The following ATP2A1 variants were observed in gnomAD, a reference collection of about 807,000 sequenced individuals.
The protein encoded by ATP2A1 is sarcoplasmic/endoplasmic reticulum calcium ATPase 1.
ATP2A1 carries 83 observed loss-of-function variants against 109.5 expected under a neutral mutation model. The observed-to-expected ratio is 0.76, with a 90% CI of 0.63 to 0.91. ATP2A1 has a LOEUF of 0.91. Ranked by LOEUF, ATP2A1 falls within the 40% of genes least tolerant of loss-of-function variation. The probability of loss-of-function intolerance (pLI) is 0.00; values close to 1 mark genes in which losing one functional copy is unlikely to be tolerated. For synonymous variants in ATP2A1, 505 were observed against 537.6 expected, an observed-to-expected ratio of 0.94 and a Z score of 0.84; for missense variants, 1,101 against 1,341.0, an observed-to-expected ratio of 0.82 and a Z score of 2.80.
In ATP2A1 at chr16:28,900,653, C is replaced by T. The variant is rs200668562; in HGVS notation, c.1837C>T (p.Leu613=). ...CAAGGAGGTCACGGGCTCCATCCAG[C>T]TGTGCCGTGACGCCGGGATCCGGGT... The part of the protein sequence containing the change: ...PRKEVTGSIQ[L]CRDAGIRVIM... Residue 613 remains leucine, a synonymous_variant, in exon 15 of 23, where the codon CTG becomes TTG. Coordinates refer to ENST00000395503, the MANE Select transcript of ATP2A1 (RefSeq NM_004320.6). 6.2e-7 allele frequency: 1 copy of T among 1,608,318 alleles called. No homozygotes were observed. The highest frequency in any genetic ancestry group is 1.3e-5 in the African/African-American group (1 of 75,014).
Position 28,903,112 on chromosome 16 carries a change from C to A in ATP2A1, c.2827C>A (p.Leu943Met). Reference protein sequence around the residue: ...LLGSICLSMSLHFLILYVDPL... With the variant: ...LLGSICLSMSMHFLILYVDPL... ...GGGCTCCATCTGCCTCTCCATGTCC[C>A]TGCACTTCCTCATCCTCTATGTTGA... Residue 943 changes from leucine (L) to methionine (M), a missense_variant, in exon 20 of 23, where the codon CTG (leucine) becomes ATG (methionine). Transcript: ENST00000395503. This position sits in a 1 kb window ranked among gnomAD's most constrained non-coding sequence, Gnocchi z 5.6. 6.2e-7 allele frequency: 1 copy of A among 1,613,854 alleles called. No individual in the cohort carries two copies. The highest frequency in any genetic ancestry group is 8.5e-7 in the Non-Finnish European group (1 of 1,180,010).
chr16:28,902,997 A>G lies in ATP2A1; in HGVS notation c.2745-33A>G. On this transcript the variant is annotated intron_variant, in intron 19 of 22. Coordinates refer to ENST00000395503, the MANE Select transcript of ATP2A1 (RefSeq NM_004320.6). This position sits in a 1 kb window ranked among gnomAD's most constrained non-coding sequence, Gnocchi z 4.8. ...TGTGCCGCCCACCTCCTTCCTCCTCACTGTGCCTTCTCCCTCCCCTTCCCC... is the reference window on the plus strand; with the variant it reads ...TGTGCCGCCCACCTCCTTCCTCCTCGCTGTGCCTTCTCCCTCCCCTTCCCC... 2 of 1,611,266 alleles carry G rather than the reference A, an allele frequency of 1.2e-6. No individual in the cohort carries two copies. The highest frequency in any genetic ancestry group is 1.7e-6 in the Non-Finnish European group (2 of 1,179,172).
Position 28,882,305 on chromosome 16 carries a change from C to T in ATP2A1, c.325-146C>T. The T allele has an allele frequency of 4.8e-6, 6 of 1,239,194 alleles. No individual in the cohort carries two copies. In the South Asian group the frequency reaches 7.5e-5, roughly 15 times the overall value. 76.8% of individuals were successfully genotyped at this position (1,239,194 alleles called of 1,614,324 possible). A position where few individuals can be genotyped will look rare whatever the true frequency, so the allele number is the denominator to read the frequency against. ...TGTTCCCTCCCCAAAACCCTCTCAC[C>T]TGTTTTCACCTGTAGGTGACAGTTT... On this transcript the variant is annotated intron_variant, in intron 4 of 22. Coordinates refer to ENST00000395503, the MANE Select transcript of ATP2A1 (RefSeq NM_004320.6).
intron 9 of ATP2A1, among the ~76,000 whole-genome samples, chr16:28,890,121 G>A (rs373270489): frequency 2.0e-5 from 3 of 151,940 alleles, no homozygotes; most frequent in Admixed American, 6.6e-5. Flanking sequence ...CAGTGTGGGC[G>A]ACGGAGTAAG....
At chr16:28,882,328 T>C in intron 4 of ATP2A1, 123 bp from the exon 5 acceptor site, 2 of 1,449,528 alleles carry the variant, frequency 1.4e-6, no homozygotes, top group Non-Finnish European at 1.9e-6. Context: ...TAGGTGACAG[T>C]TTCCTCAACA....
At chr16:28,882,903 C>G (rs555397028) in intron 5 of ATP2A1, among the ~76,000 whole-genome samples, 3 of 152,358 alleles carry the variant, frequency 2.0e-5, no homozygotes, top group East Asian at 3.9e-4. Context: ...TCTCCACCCC[C>G]TCCCGGGCCT....
chr16:28,901,851 C>A lies in ATP2A1; in HGVS notation c.2101-12C>A. Reference sequence around the variant, plus strand: ...GAAGGTGCCCTAAGCCCACCTTCTCCTCCTCCCTCAGACAGGTGATGGCGT... The same window carrying A: ...GAAGGTGCCCTAAGCCCACCTTCTCATCCTCCCTCAGACAGGTGATGGCGT... On this transcript the variant is annotated splice_polypyrimidine_tract_variant and intron_variant, in intron 15 of 22. Coordinates refer to ENST00000395503, the MANE Select transcript of ATP2A1 (RefSeq NM_004320.6). The A allele has an allele frequency of 6.2e-7, 1 of 1,612,232 alleles. No homozygotes were observed. The highest frequency in any genetic ancestry group is 2.2e-5 in the East Asian group (1 of 44,850).
Position 28,903,560 on chromosome 16 carries a change from T to C in ATP2A1, c.2980+120T>C. 8.2e-7 allele frequency: 1 copy of C among 1,214,632 alleles called. No homozygotes were observed. The highest frequency in any genetic ancestry group is 1.2e-6 in the Non-Finnish European group (1 of 821,026). The allele number at this position is 1,214,632 out of a possible 1,614,324, so 75.2% of individuals were successfully genotyped here. A position where few individuals can be genotyped will look rare whatever the true frequency, so the allele number is the denominator to read the frequency against. On this transcript the variant is annotated intron_variant, in intron 21 of 22. Transcript: ENST00000395503. The surrounding 1 kb of genome is among the most constrained non-coding windows in gnomAD (Gnocchi z 5.6). Reference sequence around the variant, plus strand: ...AGTTTCTCAGCCCTGGCAGGACCTGTGTCCGCCCCGTTCCCCCTGCGCCTG... The same window carrying C: ...AGTTTCTCAGCCCTGGCAGGACCTGCGTCCGCCCCGTTCCCCCTGCGCCTG...
chr16:28,894,128 CTG>C, intron 9 of ATP2A1, 25 bp from the exon 10 acceptor site: 2 of 1,603,642 alleles, frequency 1.2e-6, no homozygotes, highest in Non-Finnish European at 1.7e-6. Context: ...AGGTGGACAT[CTG>C]TGTGCCTGCC....
In ATP2A1 at chr16:28,880,167, C is replaced by T. The variant is rs1459712781; in HGVS notation, c.219+584C>T. 2 of 983,624 alleles carry T rather than the reference C, an allele frequency of 2.0e-6. No homozygotes were observed. Among genetic ancestry groups the T allele is most frequent in the Non-Finnish European group, 2.4e-6 (2 of 826,768 alleles). 60.9% of individuals were successfully genotyped at this position (983,624 alleles called of 1,614,324 possible). On this transcript the variant is annotated intron_variant, in intron 3 of 22. Transcript: ENST00000395503. The surrounding 1 kb of genome is among the most constrained non-coding windows in gnomAD (Gnocchi z 4.2). ...AGCCCTTCCCCGCGCTCCCTAGGCACCCCCACCCCCGCAGGGCATCTCCAG... is the reference window on the plus strand; with the variant it reads ...AGCCCTTCCCCGCGCTCCCTAGGCATCCCCACCCCCGCAGGGCATCTCCAG...
In ATP2A1 at chr16:28,888,571, G is replaced by A. The variant is rs141197276; in HGVS notation, c.929-216G>A. Among the ~76,000 whole-genome samples, 151 of 151,624 alleles carry A rather than the reference G, an allele frequency of 1.0e-3. 1 individual carries two copies. The highest frequency in any genetic ancestry group is 3.3e-3 in the African/African-American group (136 of 41,354). On this transcript the variant is annotated intron_variant, in intron 8 of 22. Coordinates refer to ENST00000395503, the MANE Select transcript of ATP2A1 (RefSeq NM_004320.6). ...CCACAGGCAATCACCACCACACCCA[G>A]CTAATTTTTAAATATTTTCAGAGGA...
intron 3 of ATP2A1, 187 bp downstream of exon 3, chr16:28,879,770 C>T (rs1337866621): frequency 4.0e-6 from 3 of 753,014 alleles, no homozygotes; most frequent in Non-Finnish European, 4.4e-6. Context: ...ACCCCAGAGG[C>T]AGGTTTTATT....
chr16:28,884,078 C>G (rs894286243), intron 5 of ATP2A1, among the ~76,000 whole-genome samples: 3 of 152,082 alleles, frequency 2.0e-5, no homozygotes, highest in Non-Finnish European at 4.4e-5. Flanking sequence ...CCACTTCATT[C>G]TCTCACCCCG....
chr16:28,902,919 C>T lies in ATP2A1; in HGVS notation c.2744+8C>T, dbSNP rs753074477. 4.0e-5 allele frequency: 65 copies of T among 1,613,396 alleles called. No individual in the cohort carries two copies. The highest frequency in any genetic ancestry group is 5.3e-5 in the Non-Finnish European group (63 of 1,179,800). ...GTGCAATGCACTGAACAGGTGGGGG[C>T]CCCCCAGCTACACCCACCACCCTCC... On this transcript the variant is annotated splice_region_variant and intron_variant, in intron 19 of 22. Transcript: ENST00000395503. This position sits in a 1 kb window ranked among gnomAD's most constrained non-coding sequence, Gnocchi z 4.8.
chr16:28,896,972 T>C (rs951803823), intron 12 of ATP2A1, among the ~76,000 whole-genome samples: 2 of 151,930 alleles, frequency 1.3e-5, no homozygotes, highest in Non-Finnish European at 2.9e-5. Context: ...TCCCAGCTAC[T>C]TGGGGGGCTG....
rs765039588 is a variant in ATP2A1 at position 28,894,116 on chromosome 16, A to G, written c.1096-39A>G. On this transcript the variant is annotated intron_variant, in intron 9 of 22. Coordinates refer to ENST00000395503, the MANE Select transcript of ATP2A1 (RefSeq NM_004320.6). Reference sequence around the variant, plus strand: ...TGCAGGTGCCCACCTTGGGATGGGAAGAGGTGGACATCTGTGTGCCTGCCC... The same window carrying G: ...TGCAGGTGCCCACCTTGGGATGGGAGGAGGTGGACATCTGTGTGCCTGCCC... 5 of 1,572,956 alleles carry G rather than the reference A, an allele frequency of 3.2e-6. No individual in the cohort carries two copies. The East Asian group carries it at 9.0e-5, about 28-fold the overall frequency.
Position 28,902,943 on chromosome 16 carries a change from C to A in ATP2A1, c.2744+32C>A, listed in dbSNP as rs755017230. On this transcript the variant is annotated intron_variant, in intron 19 of 22. Transcript: ENST00000395503. This position sits in a 1 kb window ranked among gnomAD's most constrained non-coding sequence, Gnocchi z 4.8. ...GCCCCCCAGCTACACCCACCACCCT[C>A]CCCTGAGGCCACTGCCCACATCCTC... The A allele has an allele frequency of 3.7e-6, 6 of 1,613,740 alleles. No homozygotes were observed. The highest frequency in any genetic ancestry group is 5.1e-6 in the Non-Finnish European group (6 of 1,179,922).
rs768194409 is a variant in ATP2A1 at position 28,902,259 on chromosome 16, C to T, written c.2397C>T (p.Thr799=). The change falls in exon 17 of 23, where the codon ACC becomes ACT. Residue 799 remains threonine, a synonymous_variant. Transcript: ENST00000395503. The surrounding 1 kb of genome is among the most constrained non-coding windows in gnomAD (Gnocchi z 4.8). ...PVQLLWVNLV[T]DGLPATALGF... Reference sequence around the variant, plus strand: ...AGCTGCTATGGGTGAACTTGGTGACCGACGGGCTCCCAGCCACAGCCCTGG... The same window carrying T: ...AGCTGCTATGGGTGAACTTGGTGACTGACGGGCTCCCAGCCACAGCCCTGG... 2.9e-5 allele frequency: 46 copies of T among 1,613,942 alleles called. No individual in the cohort carries two copies. The highest frequency in any genetic ancestry group is 8.3e-5 in the Admixed American group (5 of 59,972).
intron 9 of ATP2A1, chr16:28,892,391 A>G: frequency 2.6e-6 from 1 of 384,534 alleles, no homozygotes; most frequent in South Asian, 2.0e-5. Context: ...TGAACTAGAA[A>G]TTGCTGTTCT....
Sources: allele counts gnomAD v4.1 joint callset (sites outside exome capture counted in the v4.1 genomes callset), GRCh38; gene constraint gnomAD v4.1.1; non-coding constraint Gnocchi (gnomAD v3.1); transcripts MANE v1.5; gene names NCBI Gene and HGNC (gene_info 2026-07-23, HGNC 2026-07-21).